Variants in BCAS4 observed in about 807,000 individuals in gnomAD.
BCAS4 encodes breast carcinoma amplified sequence 4, also known as breast carcinoma-amplified sequence 4.
Under a neutral mutation model 15.7 loss-of-function variants are expected in BCAS4, and 9 were observed. That is an observed-to-expected ratio of 0.57 (90% CI 0.34 to 1.00). The LOEUF (loss-of-function observed/expected upper bound fraction) is 1.00. Ranked by LOEUF, BCAS4 falls within the 50% of genes least tolerant of loss-of-function variation. BCAS4 has a pLI of 0.02. For missense variants in BCAS4, 225 were observed against 239.1 expected, an observed-to-expected ratio of 0.94 and a Z score of 0.39; for synonymous variants, 101 against 99.5, an observed-to-expected ratio of 1.02 and a Z score of -0.09.
intron 4 of BCAS4, among the ~76,000 whole-genome samples, chr20:50,848,269 G>T (rs1363785505): frequency 2.0e-5 from 3 of 152,206 alleles, no homozygotes; most frequent in Admixed American, 1.3e-4. Flanking sequence ...AAAATAAAAT[G>T]TACAAAAAAT....
At chr20:50,833,349 G>A (rs975059268) in intron 3 of BCAS4, among the ~76,000 whole-genome samples, 1 of 152,232 alleles carries the variant, frequency 6.6e-6, no homozygotes, top group African/African-American at 2.4e-5. Context: ...AGCCGCCGAA[G>A]AGTCAGGACA....
chr20:50,824,740 C>A (rs1469631414), intron 2 of BCAS4, among the ~76,000 whole-genome samples: 3 of 152,126 alleles, frequency 2.0e-5, no homozygotes, highest in Admixed American at 1.3e-4. Context: ...ACAAAAGTGG[C>A]AGCTGCCACT....
intron 1 of BCAS4, among the ~76,000 whole-genome samples, chr20:50,796,083 T>TA (rs1284846284): frequency 7.4e-5 from 11 of 149,058 alleles, no homozygotes; most frequent in Admixed American, 3.4e-4. Flanking sequence ...GTGAGACATT[T>TA]AAAAAAAAAT....
chr20:50,835,429 A>G (rs1197638869), intron 3 of BCAS4, among the ~76,000 whole-genome samples: 1 of 151,952 alleles, frequency 6.6e-6, no homozygotes, highest in Non-Finnish European at 1.5e-5. Flanking sequence ...TATTTTTATT[A>G]GAGACGGGGT....
Position 50,838,993 on chromosome 20 carries a change from C to T in BCAS4, c.265-2773C>T, listed in dbSNP as rs367545599. Reference sequence around the variant, plus strand: ...GCACTTTAAAGGAACCAAAGGGAAGCACGTGGAGGGAGGAGGGAAGGTAGG... The same window carrying T: ...GCACTTTAAAGGAACCAAAGGGAAGTACGTGGAGGGAGGAGGGAAGGTAGG... On this transcript the variant is annotated intron_variant, in intron 3 of 4. Transcript: ENST00000371608. Among the ~76,000 whole-genome samples the T allele has an allele frequency of 3.2e-4, 48 of 152,204 alleles. No homozygotes were observed. In the East Asian group the frequency reaches 7.1e-3, roughly 23 times the overall value.
chr20:50,813,362 T>G (rs1374815356), intron 1 of BCAS4, among the ~76,000 whole-genome samples: 1 of 152,162 alleles, frequency 6.6e-6, no homozygotes, highest in African/African-American at 2.4e-5. Context: ...GCTTTTGTCT[T>G]AACAGGACTG....
At chr20:50,828,893 C>T (rs1049734803) in intron 2 of BCAS4, among the ~76,000 whole-genome samples, 1 of 152,172 alleles carries the variant, frequency 6.6e-6, no homozygotes, top group African/African-American at 2.4e-5. Flanking sequence ...GAAGCCGCCT[C>T]CACACTCCAC....
intron 2 of BCAS4, among the ~76,000 whole-genome samples, chr20:50,823,981 T>TTAATAATTTTTATTA (rs1480323047): frequency 6.6e-6 from 1 of 152,100 alleles, no homozygotes; most frequent in Non-Finnish European, 1.5e-5. Context: ...GTGCTATTTA[T>TTAATAATTTTTATTA]TAATAATTTT....
chr20:50,843,475 T>C (rs1453705071), intron 4 of BCAS4, among the ~76,000 whole-genome samples: 1 of 152,208 alleles, frequency 6.6e-6, no homozygotes, highest in Admixed American at 6.5e-5. Context: ...TTAAACATTG[T>C]GACTTGAAAT....
chr20:50,840,584 T>C (rs1246225455), intron 3 of BCAS4: 1 of 1,557,082 alleles, frequency 6.4e-7, no homozygotes, highest in South Asian at 1.1e-5. Flanking sequence ...GCTTGTGGAA[T>C]GTACAGTGCA....
intron 4 of BCAS4, among the ~76,000 whole-genome samples, chr20:50,849,998 C>T (rs1269732515): frequency 1.3e-5 from 2 of 152,112 alleles, no homozygotes; most frequent in African/African-American, 4.8e-5. Flanking sequence ...CTGTGTTGTA[C>T]CATGGGCTGC....
intron 1 of BCAS4, among the ~76,000 whole-genome samples, chr20:50,803,143 T>C (rs1311324246): frequency 6.6e-6 from 1 of 152,244 alleles, no homozygotes; most frequent in Non-Finnish European, 1.5e-5. Flanking sequence ...ATCGCGCCAC[T>C]GCACTCCAGC....
Position 50,828,595 on chromosome 20 carries a change from C to T in BCAS4, c.163-1684C>T, listed in dbSNP as rs567059551. Among the ~76,000 whole-genome samples the T allele has an allele frequency of 9.2e-5, 14 of 152,242 alleles. No homozygotes were observed. In the South Asian group the frequency reaches 1.2e-3, roughly 14 times the overall value. Reference sequence around the variant, plus strand: ...AGGAGTTCAAGACCAACCTGGCCAACGTGGTGAAACCCCGTCTCTACTAAA... The same window carrying T: ...AGGAGTTCAAGACCAACCTGGCCAATGTGGTGAAACCCCGTCTCTACTAAA... On this transcript the variant is annotated intron_variant, in intron 2 of 4. Coordinates refer to ENST00000371608, the MANE Select transcript of BCAS4 (RefSeq NM_198799.4).
intron 1 of BCAS4, among the ~76,000 whole-genome samples, chr20:50,807,602 C>T (rs2088007724): frequency 6.6e-6 from 1 of 152,230 alleles, no homozygotes; most frequent in Non-Finnish European, 1.5e-5. Context: ...TTTGCCGCAG[C>T]ACTCATCACC....
intron 4 of BCAS4, among the ~76,000 whole-genome samples, chr20:50,850,749 G>A (rs76927985): frequency 0.023 from 3,466 of 152,256 alleles, 49 homozygotes; most frequent in East Asian, 0.049. Context: ...CTGGCCTACC[G>A]TGCTCACTCT....
At chr20:50,870,356 CT>C (rs1284918343) in intron 4 of BCAS4, among the ~76,000 whole-genome samples, 1 of 152,154 alleles carries the variant, frequency 6.6e-6, no homozygotes, top group African/African-American at 2.4e-5. Flanking sequence ...AACGGAGGCC[CT>C]GAGGTGGTGG....
intron 1 of BCAS4, among the ~76,000 whole-genome samples, chr20:50,795,875 A>G (rs1026645902): frequency 1.1e-4 from 16 of 152,216 alleles, no homozygotes; most frequent in Non-Finnish European, 2.1e-4. Flanking sequence ...TTTGGTATAA[A>G]TCATTCCGGA....
At chr20:50,803,899 GAATTAT>G (rs767255281) in intron 1 of BCAS4, among the ~76,000 whole-genome samples, 16 of 152,132 alleles carry the variant, frequency 1.1e-4, no homozygotes, top group Non-Finnish European at 2.1e-4. Flanking sequence ...CTGGCCATTG[GAATTAT>G]AAAAGCTCTC....
At chr20:50,875,602 T>TAAAAAAAAAAAA (rs3971637) in intron 4 of BCAS4, among the ~76,000 whole-genome samples, 2 of 100,560 alleles carry the variant, frequency 2.0e-5, no homozygotes, top group Non-Finnish European at 2.1e-5. Flanking sequence ...TCATCTCTAC[T>TAAAAAAAAAAAA]AAAAAAAAAA....
Sources: allele counts gnomAD v4.1 joint callset (sites outside exome capture counted in the v4.1 genomes callset), GRCh38; gene constraint gnomAD v4.1.1; transcripts MANE v1.5; gene names NCBI Gene and HGNC (gene_info 2026-07-23, HGNC 2026-07-21).